Variants in KIF2A observed in about 807,000 individuals in gnomAD.
KIF2A encodes kinesin-like protein KIF2A.
Under a neutral mutation model 100.2 loss-of-function variants are expected in KIF2A, and 22 were observed. The ratio of observed to expected loss-of-function variants is 0.22; its 90% CI spans 0.16 to 0.31. The LOEUF (loss-of-function observed/expected upper bound fraction) is 0.31, where lower values mean the gene tolerates loss of function less well. Ranked by LOEUF, KIF2A falls within the 10% of genes least tolerant of loss-of-function variation. The pLI is 1.00. For synonymous variants in KIF2A, 268 were observed against 285.9 expected (o/e 0.94, Z 0.63); for missense variants, 495 against 898.7 (o/e 0.55, Z 5.74).
intron 1 of KIF2A, among the ~76,000 whole-genome samples, chr5:62,317,047 T>G (rs1487306107): frequency 6.6e-6 from 1 of 151,644 alleles, no homozygotes; most frequent in East Asian, 1.9e-4. Context: ...ATGGCAACTT[T>G]AGCCCTTTTT....
In KIF2A at chr5:62,387,026, A is replaced by G. The variant is rs1277930451; in HGVS notation, c.*1457A>G. Among the ~76,000 whole-genome samples, 1 of 152,234 alleles carries G rather than the reference A, an allele frequency of 6.6e-6. No individual in the cohort carries two copies. The highest frequency in any genetic ancestry group is 1.5e-5 in the Non-Finnish European group (1 of 68,026). On this transcript the variant is annotated 3_prime_UTR_variant, in exon 21 of 21. Coordinates refer to ENST00000407818, the MANE Select transcript of KIF2A (RefSeq NM_001098511.3). ...CACAGGAGCCAAAGGGGAGCTATGA[A>G]TAGAGGGTCACATGAGCCAGATTCT...
At chr5:62,357,859 G>T (rs1580070732) in intron 8 of KIF2A, 114 bp downstream of exon 8, 2 of 722,604 alleles carry the variant, frequency 2.8e-6, no homozygotes, top group East Asian at 2.8e-5. Context: ...CCTTTGATTT[G>T]TATGTAACCA....
At chr5:62,318,314 C>T (rs1179448372) in intron 1 of KIF2A, among the ~76,000 whole-genome samples, 1 of 152,184 alleles carries the variant, frequency 6.6e-6, no homozygotes, top group Non-Finnish European at 1.5e-5. Context: ...ATCTGCTGAC[C>T]TCGTGATCCG....
At position 62,353,345 on chromosome 5, in the gene KIF2A, A is replaced by G; in HGVS notation, c.528A>G (p.Gln176=). The G allele has an allele frequency of 1.9e-6, 3 of 1,572,216 alleles. No individual in the cohort carries two copies. Among genetic ancestry groups the G allele is most frequent in the South Asian group, 2.5e-5 (2 of 81,568 alleles). Residue 176 remains glutamine (Q), a synonymous_variant, in exon 6 of 21, where the codon CAA becomes CAG. Transcript: ENST00000407818. The stretch of plus-strand genomic sequence containing the variant: ...AAAAACGAGAGAAAAGGAGATTGCA[A>G]CAGCAAGAACTTAGAGAAAAAAGAG... ...LQEKREKRRL[Q]QQELREKRAQ...
chr5:62,342,249 G>A (rs1008389952), intron 1 of KIF2A, among the ~76,000 whole-genome samples: 1 of 152,132 alleles, frequency 6.6e-6, no homozygotes, highest in Non-Finnish European at 1.5e-5. Context: ...TGATTGATGC[G>A]GGGCTTGATG....
In KIF2A at chr5:62,325,272, C is replaced by T. The variant is rs531716856; in HGVS notation, c.64+18736C>T. On this transcript the variant is annotated intron_variant, in intron 1 of 20. Transcript: ENST00000407818. ...CTGAGTAGCTGGGATCATAGGTGCC[C>T]GCCACTATGCCCGGCTAATTTTTGT... 9.2e-5 allele frequency among the ~76,000 whole-genome samples: 14 copies of T among 151,960 alleles called. No homozygotes were observed. In the East Asian group the frequency reaches 2.3e-3, roughly 25 times the overall value.
In KIF2A at chr5:62,362,489, A is replaced by G. The variant is rs1385212736; in HGVS notation, c.1067A>G (p.Lys356Arg). Reference protein sequence around the residue: ...VFLMLKKPNYKKLELQVYATF... With the variant: ...VFLMLKKPNYRKLELQVYATF... Reference sequence around the variant, plus strand: ...TTAATGCTAAAGAAGCCAAACTATAAGAAGCTAGAACTTCAAGTATATGCA... The same window carrying G: ...TTAATGCTAAAGAAGCCAAACTATAGGAAGCTAGAACTTCAAGTATATGCA... Residue 356 changes from lysine to arginine, a missense_variant, in exon 12 of 21, where the codon AAG becomes AGG. By Grantham distance (26) the Lys-to-Arg change is conservative. Around this residue, in one of 10 missense-constraint regions of KIF2A, gnomAD observed 22 missense variants for 19.3 expected, o/e 1.14. Transcript: ENST00000407818. 6.8e-7 allele frequency: 1 copy of G among 1,467,626 alleles called. No individual in the cohort carries two copies. Among genetic ancestry groups the G allele is most frequent in the South Asian group, 1.6e-5 (1 of 63,544 alleles). The allele number at this position is 1,467,626 out of a possible 1,614,324, so 90.9% of individuals were successfully genotyped here.
At chr5:62,373,912 A>G in intron 18 of KIF2A, 75 bp downstream of exon 18, 2 of 1,210,482 alleles carry the variant, frequency 1.7e-6, no homozygotes, top group Non-Finnish European at 2.4e-6. Context: ...GAAAACTATC[A>G]TTTAAATGAG....
chr5:62,338,995 G>A (rs889750817), intron 1 of KIF2A, among the ~76,000 whole-genome samples: 1 of 152,172 alleles, frequency 6.6e-6, no homozygotes, highest in Admixed American at 6.5e-5. Flanking sequence ...TTGTTTTCAT[G>A]AATGTGGAGT....
At chr5:62,343,072 C>T (rs915853642) in intron 1 of KIF2A, among the ~76,000 whole-genome samples, 1 of 152,036 alleles carries the variant, frequency 6.6e-6, no homozygotes, top group African/African-American at 2.4e-5. Flanking sequence ...GTTTTCTGTG[C>T]TCAGTCCTCT....
chr5:62,385,368 A>C (rs1741974189), intron 20 of KIF2A, 116 bp from the exon 21 acceptor site: 5 of 674,190 alleles, frequency 7.4e-6, no homozygotes, highest in Non-Finnish European at 1.3e-5. Context: ...AACAAAAGGA[A>C]AAATACTGAG....
intron 1 of KIF2A, among the ~76,000 whole-genome samples, chr5:62,313,467 C>T (rs1385608792): frequency 6.6e-6 from 1 of 152,060 alleles, no homozygotes; most frequent in Non-Finnish European, 1.5e-5. Flanking sequence ...ATTCTCCTGC[C>T]TCAGCCTCCT....
intron 13 of KIF2A, 86 bp from the exon 14 acceptor site, chr5:62,363,609 T>C: frequency 8.4e-7 from 1 of 1,195,308 alleles, no homozygotes; most frequent in Admixed American, 2.1e-5. Flanking sequence ...ATGTTTTTGC[T>C]GCTGTTGTTT....
rs781247903 is a variant in KIF2A, at chr5:62,386,532, A to C, written c.*963A>C. 2 of 152,208 alleles carry C rather than the reference A, an allele frequency of 1.3e-5. No individual in the cohort carries two copies. Among genetic ancestry groups the C allele is most frequent in the Non-Finnish European group, 2.9e-5 (2 of 68,038 alleles). 9.4% of individuals were successfully genotyped at this position (152,208 alleles called of 1,614,324 possible). A position where few individuals can be genotyped will look rare whatever the true frequency, so the allele number is the denominator to read the frequency against. ...ACCCCAAAATATACCTTTTCTATGT[A>C]CTGTTAAAAGAAATTGGCTTCTGAT... On this transcript the variant is annotated 3_prime_UTR_variant, in exon 21 of 21. Transcript: ENST00000407818.
intron 9 of KIF2A, among the ~76,000 whole-genome samples, chr5:62,360,286 G>T (rs778398545): frequency 1.3e-5 from 2 of 151,832 alleles, no homozygotes; most frequent in Non-Finnish European, 2.9e-5. Flanking sequence ...CACCACGCCT[G>T]GCCTCCATCA....
At chr5:62,346,228 ATATCT>A (rs753800736) in intron 1 of KIF2A, among the ~76,000 whole-genome samples, 99 of 152,270 alleles carry the variant, frequency 6.5e-4, no homozygotes, top group Middle Eastern at 3.4e-3. Flanking sequence ...ATTATATATA[ATATCT>A]TCTCTCTACA....
chr5:62,319,793 T>C (rs987983219), intron 1 of KIF2A, among the ~76,000 whole-genome samples: 2 of 152,228 alleles, frequency 1.3e-5, no homozygotes, highest in African/African-American at 4.8e-5. Context: ...TCACTGTTTT[T>C]AATGTATACT....
At chr5:62,352,226 G>A (rs12153750) in intron 4 of KIF2A, among the ~76,000 whole-genome samples, 20,346 of 151,198 alleles carry the variant, frequency 0.13, 1,595 homozygotes, top group East Asian at 0.25. Flanking sequence ...GTTTTAAGAC[G>A]TGGAGCGGTT....
intron 1 of KIF2A, among the ~76,000 whole-genome samples, chr5:62,309,256 A>G (rs745345888): frequency 2.0e-5 from 3 of 152,350 alleles, no homozygotes; most frequent in South Asian, 2.1e-4. Flanking sequence ...GTGTTCTTAC[A>G]TAAGTGCTAC....
Sources: gnomAD v4.1 joint callset for allele counts (sites outside exome capture counted in the v4.1 genomes callset) on GRCh38, gnomAD v4.1.1 for gene constraint, gnomAD v4.1.1 regional missense constraint, MANE v1.5 for transcripts, NCBI Gene and HGNC (gene_info 2026-07-23, HGNC 2026-07-21) for gene names.